FAM110B: variants seen among roughly 807,000 people sequenced by gnomAD.
FAM110B encodes the protein family with sequence similarity 110 member B, also known as protein FAM110B.
A neutral mutation model predicts 20.4 loss-of-function variants in FAM110B; 6 were observed. The observed-to-expected ratio is 0.29, with a 90% CI of 0.16 to 0.58. The LOEUF (loss-of-function observed/expected upper bound fraction) is 0.58. Among genes scored for constraint, FAM110B ranks in the 20% least tolerant of loss-of-function variants. FAM110B has a pLI of 0.90. For synonymous variants in FAM110B, 226 were observed against 214.1 expected (o/e 1.06, Z -0.49); for missense variants, 434 against 498.2 (o/e 0.87, Z 1.23).
chr8:58,020,931 A>G (rs550076344), intron 1 of FAM110B, among the ~76,000 whole-genome samples: 1 of 152,238 alleles, frequency 6.6e-6, no homozygotes, highest in African/African-American at 2.4e-5. Context: ...GGAAGCTGCT[A>G]TGGCTTTCAG....
chr8:58,006,923 A>ATATATTTCTTTTTTTT lies in FAM110B; in HGVS notation c.-512+12118_-512+12119insATATTTCTTTTTTTTT. Among the ~76,000 whole-genome samples the ATATATTTCTTTTTTTT allele has an allele frequency of 1.2e-4, 15 of 126,536 alleles. No homozygotes were observed. In the East Asian group the frequency reaches 2.7e-3, roughly 23 times the overall value. 83.0% of individuals were successfully genotyped at this position (126,536 alleles called of 152,430 possible). A position where few individuals can be genotyped will look rare whatever the true frequency, so the allele number is the denominator to read the frequency against. Reference sequence around the variant, plus strand: ...TTGGTATATATATATATATATATATATTTTTCCAAAACCAGAGTTTGCATT... The same window carrying ATATATTTCTTTTTTTT: ...TTGGTATATATATATATATATATATATATATTTCTTTTTTTTTTTTTCCAAAACCAGAGTTTGCATT... On this transcript the variant is annotated intron_variant, in intron 1 of 3. Coordinates refer to ENST00000519262, the MANE Select transcript of FAM110B (RefSeq NM_001377989.1).
chr8:58,049,186 G>A (rs75870100), intron 2 of FAM110B, among the ~76,000 whole-genome samples: 3,236 of 152,128 alleles, frequency 0.021, 118 homozygotes, highest in African/African-American at 0.073. Context: ...ATGTTTCTGG[G>A]GAGTAAGCTT....
At chr8:58,010,496 T>C (rs1283460715) in intron 1 of FAM110B, among the ~76,000 whole-genome samples, 1 of 152,196 alleles carries the variant, frequency 6.6e-6, no homozygotes, top group Non-Finnish European at 1.5e-5. Context: ...TGAGCCATAC[T>C]CTGTTGAGTG....
At chr8:58,125,986 A>C (rs1807492930) in intron 3 of FAM110B, among the ~76,000 whole-genome samples, 2 of 152,220 alleles carry the variant, frequency 1.3e-5, no homozygotes, top group Non-Finnish European at 2.9e-5. Context: ...AGTTCATTTT[A>C]TCACTTGCAT....
intron 2 of FAM110B, among the ~76,000 whole-genome samples, chr8:58,065,155 C>T (rs2150587201): frequency 6.6e-6 from 1 of 152,256 alleles, no homozygotes; most frequent in South Asian, 2.1e-4. Flanking sequence ...AAAACAGCAG[C>T]ATGCTTTACC....
intron 3 of FAM110B, among the ~76,000 whole-genome samples, chr8:58,100,325 G>A (rs1426355674): frequency 6.6e-6 from 1 of 151,942 alleles, no homozygotes; most frequent in African/African-American, 2.4e-5. Flanking sequence ...CTGAAGCTGG[G>A]TGGGCTCCTT....
At chr8:58,092,603 C>T (rs1189878901) in intron 3 of FAM110B, among the ~76,000 whole-genome samples, 1 of 152,172 alleles carries the variant, frequency 6.6e-6, no homozygotes, top group Non-Finnish European at 1.5e-5. Flanking sequence ...ACATAGTATT[C>T]AATGGTGTAC....
chr8:58,022,458 G>A (rs1447825750), intron 1 of FAM110B, among the ~76,000 whole-genome samples: 3 of 152,102 alleles, frequency 2.0e-5, no homozygotes, highest in Non-Finnish European at 2.9e-5. Context: ...GGCGATGGTT[G>A]TACAATAGTG....
intron 2 of FAM110B, among the ~76,000 whole-genome samples, chr8:58,053,434 C>T (rs192670114): frequency 2.0e-5 from 3 of 151,598 alleles, no homozygotes; most frequent in African/African-American, 4.9e-5. Context: ...CATTAACTGA[C>T]AGAAGAAAGA....
chr8:58,021,359 TAATA>T (rs1330440334), intron 1 of FAM110B, among the ~76,000 whole-genome samples: 1 of 152,110 alleles, frequency 6.6e-6, no homozygotes, highest in Non-Finnish European at 1.5e-5. Context: ...GTAAAAAAAT[TAATA>T]AATAAATAAA....
chr8:58,049,867 A>G (rs1300082233), intron 2 of FAM110B, among the ~76,000 whole-genome samples: 2 of 152,240 alleles, frequency 1.3e-5, no homozygotes, highest in African/African-American at 2.4e-5. Context: ...TACTGATGGC[A>G]TATTTTTATT....
At chr8:58,022,692 A>G (rs1037784411) in intron 1 of FAM110B, among the ~76,000 whole-genome samples, 1 of 152,200 alleles carries the variant, frequency 6.6e-6, no homozygotes, top group Non-Finnish European at 1.5e-5. Flanking sequence ...GAGTATTGAT[A>G]TTGGCATTGT....
intron 1 of FAM110B, among the ~76,000 whole-genome samples, chr8:58,019,566 A>C (rs80027720): frequency 0.023 from 3,529 of 152,012 alleles, 150 homozygotes; most frequent in African/African-American, 0.081. Context: ...CTTAGCTTTC[A>C]TTTAGCCGAA....
intron 2 of FAM110B, among the ~76,000 whole-genome samples, chr8:58,068,855 A>C (rs184781739): frequency 6.6e-6 from 1 of 152,326 alleles, no homozygotes; most frequent in Admixed American, 6.5e-5. Flanking sequence ...CTCCCTTTTC[A>C]ACATAAATTT....
Position 58,146,160 on chromosome 8 carries a change from G to GTGTC in FAM110B, c.-69_-66dup. On this transcript the variant is annotated 5_prime_UTR_variant, in exon 4 of 4. Transcript: ENST00000519262. Reference sequence around the variant, plus strand: ...GCCGCCCTTGGCGCTTCATGTACATGTGTCTATTCAGGCCTTGCGGAGGCG... The same window carrying GTGTC: ...GCCGCCCTTGGCGCTTCATGTACATGTGTCTGTCTATTCAGGCCTTGCGGAGGCG... 1 of 1,506,930 alleles carries GTGTC rather than the reference G, an allele frequency of 6.6e-7. No homozygotes were observed. Among genetic ancestry groups the GTGTC allele is most frequent in the Non-Finnish European group, 8.9e-7 (1 of 1,126,768 alleles). The allele number at this position is 1,506,930 out of a possible 1,614,324, so 93.3% of individuals were successfully genotyped here. A position where few individuals can be genotyped will look rare whatever the true frequency, so the allele number is the denominator to read the frequency against.
At chr8:58,036,145 C>T (rs965771488) in intron 2 of FAM110B, among the ~76,000 whole-genome samples, 8 of 152,178 alleles carry the variant, frequency 5.3e-5, no homozygotes, top group Admixed American at 1.3e-4. Context: ...CATGGTGCCA[C>T]GTCTCTCATG....
chr8:58,143,529 G>A (rs1803787737), intron 3 of FAM110B, among the ~76,000 whole-genome samples: 1 of 152,238 alleles, frequency 6.6e-6, no homozygotes, highest in Non-Finnish European at 1.5e-5. Flanking sequence ...ATTAGTAATT[G>A]TTGAGGGGTG....
At chr8:58,057,359 A>G (rs1018757378) in intron 2 of FAM110B, among the ~76,000 whole-genome samples, 2 of 152,232 alleles carry the variant, frequency 1.3e-5, no homozygotes, top group Non-Finnish European at 2.9e-5. Flanking sequence ...ATGTGTGCAC[A>G]AACACAGGGC....
At chr8:58,040,022 ATT>A (rs1188993195) in intron 2 of FAM110B, among the ~76,000 whole-genome samples, 1 of 152,054 alleles carries the variant, frequency 6.6e-6, no homozygotes, top group African/African-American at 2.4e-5. Flanking sequence ...AAAAATTTAA[ATT>A]TTTTGTTTGT....
Sources: gnomAD v4.1 joint callset for allele counts (sites outside exome capture counted in the v4.1 genomes callset) on GRCh38, gnomAD v4.1.1 for gene constraint, MANE v1.5 for transcripts, NCBI Gene and HGNC (gene_info 2026-07-23, HGNC 2026-07-21) for gene names.